The following SLC1A1 variants were observed in gnomAD, a reference collection of about 807,000 sequenced individuals.
SLC1A1 encodes the protein excitatory amino acid transporter 3.
SLC1A1 carries 43 observed loss-of-function variants against 53.3 expected under a neutral mutation model. The ratio of observed to expected loss-of-function variants is 0.81; its 90% confidence interval spans 0.63 to 1.04. The LOEUF is 1.04. Among genes scored for constraint, SLC1A1 ranks in the 50% least tolerant of loss-of-function variants. SLC1A1 has a pLI of 0.00. For synonymous variants in SLC1A1, 307 were observed against 243.2 expected, an observed-to-expected ratio of 1.26 and a Z score of -2.44; for missense variants, 748 against 664.9, an observed-to-expected ratio of 1.12 and a Z score of -1.37.
At chr9:4,541,161 C>G (rs978234178) in intron 1 of SLC1A1, among the ~76,000 whole-genome samples, 4 of 152,186 alleles carry the variant, frequency 2.6e-5, no homozygotes, top group African/African-American at 9.7e-5. Flanking sequence ...TCCTGCTACA[C>G]CGTTCAGGGA....
At chr9:4,513,790 A>C (rs1821072425) in intron 1 of SLC1A1, among the ~76,000 whole-genome samples, 2 of 152,350 alleles carry the variant, frequency 1.3e-5, no homozygotes, top group Middle Eastern at 6.8e-3. Flanking sequence ...TCAAAATGGG[A>C]GACGAGTCAA....
rs559978365 is a variant in SLC1A1, at chr9:4,585,702, G to C, written c.*144G>C. The stretch of plus-strand genomic sequence containing the variant: ...GACCTCCAGATTATTTTCTATATTT[G>C]GATTCACAGCCTTTGCGCTCTGGGT... On this transcript the variant is annotated 3_prime_UTR_variant, in exon 12 of 12. Coordinates refer to ENST00000262352, the MANE Select transcript of SLC1A1 (RefSeq NM_004170.6). 2.6e-5 allele frequency: 28 copies of C among 1,068,548 alleles called. No homozygotes were observed. In the African/African-American group the frequency reaches 4.1e-4, roughly 15 times the overall value. The allele number at this position is 1,068,548 out of a possible 1,614,324, so 66.2% of individuals were successfully genotyped here.
At chr9:4,532,509 G>T (rs1263483315) in intron 1 of SLC1A1, among the ~76,000 whole-genome samples, 11 of 152,068 alleles carry the variant, frequency 7.2e-5, no homozygotes, top group Non-Finnish European at 1.5e-4. Flanking sequence ...GAGAAGTTTA[G>T]AGAAAAAAGA....
chr9:4,533,063 G>A lies in SLC1A1; in HGVS notation c.92-11504G>A, dbSNP rs550715303. On this transcript the variant is annotated intron_variant, in intron 1 of 11. Transcript: ENST00000262352. ...TGCCTTACAAGAGCTCCTGAAAGAA[G>A]CACTAAACATGGAAAGGAAAAACCG... 2.7e-4 allele frequency among the ~76,000 whole-genome samples: 41 copies of A among 152,246 alleles called. No homozygotes were observed. In the South Asian group the frequency reaches 8.3e-3, roughly 31 times the overall value.
At chr9:4,562,767 T>C (rs1819080261) in intron 3 of SLC1A1, among the ~76,000 whole-genome samples, 1 of 152,126 alleles carries the variant, frequency 6.6e-6, no homozygotes, top group Non-Finnish European at 1.5e-5. Flanking sequence ...TATGGCTGCA[T>C]AGTATTCCAT....
intron 2 of SLC1A1, among the ~76,000 whole-genome samples, chr9:4,548,239 T>A (rs776275168): frequency 2.0e-5 from 3 of 152,048 alleles, no homozygotes; most frequent in Non-Finnish European, 4.4e-5. Flanking sequence ...GACCCTGAAG[T>A]AGTCTTCAGC....
chr9:4,513,689 C>T (rs1821068856), intron 1 of SLC1A1, among the ~76,000 whole-genome samples: 6 of 152,192 alleles, frequency 3.9e-5, no homozygotes. Context: ...GCACAGCAGT[C>T]CCACTCCTGT....
In SLC1A1 at chr9:4,541,057, G is replaced by A. The variant is rs570139569; in HGVS notation, c.92-3510G>A. Among the ~76,000 whole-genome samples, 18 of 152,316 alleles carry A rather than the reference G, an allele frequency of 1.2e-4. No individual in the cohort carries two copies. The South Asian group carries it at 2.9e-3, about 25-fold the overall frequency. On this transcript the variant is annotated intron_variant, in intron 1 of 11. Coordinates refer to ENST00000262352, the MANE Select transcript of SLC1A1 (RefSeq NM_004170.6). Reference sequence around the variant, plus strand: ...CCTGTGTCTGTGGTGGGAAGGAAGCGCAAGAATGGTGTCCTGTGTCCATTG... The same window carrying A: ...CCTGTGTCTGTGGTGGGAAGGAAGCACAAGAATGGTGTCCTGTGTCCATTG...
chr9:4,530,941 T>C (rs1182399011), intron 1 of SLC1A1, among the ~76,000 whole-genome samples: 1 of 152,220 alleles, frequency 6.6e-6, no homozygotes, highest in Non-Finnish European at 1.5e-5. Context: ...CTTTGGTCGC[T>C]AGGAAAAGTC....
At chr9:4,510,216 C>T (rs1820954293) in intron 1 of SLC1A1, among the ~76,000 whole-genome samples, 1 of 152,184 alleles carries the variant, frequency 6.6e-6, no homozygotes, top group East Asian at 1.9e-4. Flanking sequence ...CTTCCACAGC[C>T]TCTAGCTATA....
chr9:4,574,075 G>C, intron 8 of SLC1A1, 61 bp downstream of exon 8: 1 of 1,157,290 alleles, frequency 8.6e-7, no homozygotes, highest in Non-Finnish European at 1.3e-6. Context: ...TGGCCGCTGA[G>C]AGGTTGGGTT....
Position 4,544,671 on chromosome 9 carries a change from A to G in SLC1A1, c.196A>G (p.Ile66Val). ...AATTCTAATGCGGATGCTGAAACTC[A>G]TCATTTTGCCATTAATTATATCCAG... Reference protein sequence around the residue: ...GEILMRMLKLIILPLIISSMI... With the variant: ...GEILMRMLKLVILPLIISSMI... Residue 66 changes from isoleucine to valine, a missense_variant, in exon 2 of 12, where the codon ATC (isoleucine) becomes GTC (valine). Physicochemically the swap from Ile to Val is conservative, Grantham distance 29 (BLOSUM62 3). Coordinates refer to ENST00000262352, the MANE Select transcript of SLC1A1 (RefSeq NM_004170.6). The G allele has an allele frequency of 1.2e-6, 2 of 1,613,602 alleles. No individual in the cohort carries two copies.
At position 4,541,278 on chromosome 9, in the gene SLC1A1, T is replaced by C. The variant is rs114342253; in HGVS notation, c.92-3289T>C. On this transcript the variant is annotated intron_variant, in intron 1 of 11. Transcript: ENST00000262352. ...ATAGCCATCCAAGAATCATGGACTC[T>C]AGAGAAATGGGGTCAGTGCTTCGAA... is the stretch of plus-strand genomic sequence containing the variant. Among the ~76,000 whole-genome samples, 460 of 152,326 alleles carry C rather than the reference T, an allele frequency of 3.0e-3. 4 individuals carry two copies. The highest frequency in any genetic ancestry group is 0.01 in the African/African-American group (426 of 41,582).
chr9:4,541,494 A>G (rs1486730742), intron 1 of SLC1A1, among the ~76,000 whole-genome samples: 4 of 152,230 alleles, frequency 2.6e-5, no homozygotes, highest in Non-Finnish European at 5.9e-5. Context: ...TGTGATAACC[A>G]TGAAGCCTTT....
At chr9:4,505,938 C>G (rs1382303681) in intron 1 of SLC1A1, among the ~76,000 whole-genome samples, 1 of 152,228 alleles carries the variant, frequency 6.6e-6, no homozygotes, top group Non-Finnish European at 1.5e-5. Context: ...ATTCTCCTGC[C>G]TCAGCTTCCC....
chr9:4,505,318 G>C (rs1256490121), intron 1 of SLC1A1, among the ~76,000 whole-genome samples: 1 of 151,990 alleles, frequency 6.6e-6, no homozygotes, highest in Non-Finnish European at 1.5e-5. Flanking sequence ...CAAAGAGCTG[G>C]GATTACAGGG....
rs762568161 is a variant in SLC1A1 at position 4,585,559 on chromosome 9, G to A, written c.*1G>A. On this transcript the variant is annotated 3_prime_UTR_variant, in exon 12 of 12. Transcript: ENST00000262352. The stretch of plus-strand genomic sequence containing the variant: ...ATTCACCCAGACCTCACAGTTCTAG[G>A]GCCCCTGGCTGCAGATGACTGGAAA... The A allele has an allele frequency of 1.9e-6, 3 of 1,614,056 alleles. No homozygotes were observed. In the South Asian group the frequency reaches 3.3e-5, roughly 18 times the overall value.
intron 2 of SLC1A1, among the ~76,000 whole-genome samples, chr9:4,555,619 C>G (rs1429001326): frequency 6.6e-6 from 1 of 152,232 alleles, no homozygotes; most frequent in Non-Finnish European, 1.5e-5. Flanking sequence ...CTTCCAAGGA[C>G]AACCGGGGAT....
At chr9:4,513,125 G>A (rs1277757825) in intron 1 of SLC1A1, among the ~76,000 whole-genome samples, 1 of 151,794 alleles carries the variant, frequency 6.6e-6, no homozygotes, top group Non-Finnish European at 1.5e-5. Context: ...AAACATAGGG[G>A]TAAAATCTAC....
Sources: gnomAD v4.1 joint callset for allele counts (sites outside exome capture counted in the v4.1 genomes callset) on GRCh38, gnomAD v4.1.1 for gene constraint, MANE v1.5 for transcripts, NCBI Gene and HGNC (gene_info 2026-07-23, HGNC 2026-07-21) for gene names.